Variants in METTL15 observed in about 807,000 individuals in gnomAD.
METTL15 encodes 12S rRNA N(4)-cytidine methyltransferase METTL15.
Under a neutral mutation model 38.3 loss-of-function variants are expected in METTL15, and 34 were observed. That is an observed-to-expected ratio of 0.89 (90% CI 0.68 to 1.18). METTL15 has a LOEUF of 1.18. Among genes scored for constraint, METTL15 ranks in the 50% most tolerant of loss-of-function variants. METTL15 has a pLI of 0.00. For missense variants in METTL15, 438 were observed against 498.4 expected (o/e 0.88, Z 1.15); for synonymous variants, 162 against 170.9 (o/e 0.95, Z 0.41).
downstream of METTL15, among the ~76,000 whole-genome samples, chr11:28,337,347 T>C (rs1849910286): frequency 6.6e-6 from 1 of 152,066 alleles, no homozygotes; most frequent in South Asian, 2.1e-4. Flanking sequence ...TGTTGCAGTC[T>C]TGAACTCCTG....
chr11:28,115,477 C>T (rs754661962), intron 3 of METTL15, among the ~76,000 whole-genome samples: 2 of 151,884 alleles, frequency 1.3e-5, no homozygotes, highest in Admixed American at 6.6e-5. Flanking sequence ...AGGCTGGTCT[C>T]GAACTCCTGA....
intron 5 of METTL15, among the ~76,000 whole-genome samples, chr11:28,402,032 C>G (rs1215348466): frequency 6.6e-6 from 1 of 151,922 alleles, no homozygotes; most frequent in Non-Finnish European, 1.5e-5. Flanking sequence ...CTTCTAAAAC[C>G]TATCCAAGAG....
intron 6 of METTL15, among the ~76,000 whole-genome samples, chr11:28,486,345 T>C (rs181110317): frequency 3.9e-4 from 60 of 152,092 alleles, no homozygotes; most frequent in Non-Finnish European, 5.4e-4. Context: ...CAGGCTCTCA[T>C]GTTAATCTTT....
intron 6 of METTL15, among the ~76,000 whole-genome samples, chr11:28,317,557 A>G (rs1306260926): frequency 6.6e-6 from 1 of 152,206 alleles, no homozygotes; most frequent in Non-Finnish European, 1.5e-5. Flanking sequence ...AAGCTTAAAA[A>G]TCTCAATACA....
In METTL15 at chr11:28,237,914, C is replaced by T. The variant is rs183483434; in HGVS notation, c.407+26716C>T. On this transcript the variant is annotated intron_variant, in intron 4 of 6. Transcript: ENST00000407364. ...GTATCAGCAGCGGTGGCTGCAGAAC[C>T]GCGGATTTTCGTGATCCGCAAATGC... 1.6e-3 allele frequency among the ~76,000 whole-genome samples: 238 copies of T among 152,240 alleles called. 1 individual carries two copies. The highest frequency in any genetic ancestry group is 4.9e-3 in the African/African-American group (202 of 41,542).
chr11:28,335,532 T>A (rs1849893529), downstream of METTL15, among the ~76,000 whole-genome samples: 1 of 152,168 alleles, frequency 6.6e-6, no homozygotes, highest in South Asian at 2.1e-4. Flanking sequence ...TGGAGATGCT[T>A]TATTTGACCC....
chr11:28,225,780 T>C (rs190202133), intron 4 of METTL15, among the ~76,000 whole-genome samples: 17 of 152,020 alleles, frequency 1.1e-4, no homozygotes, highest in African/African-American at 3.6e-4. Flanking sequence ...TTTAGTAACC[T>C]CTCTACCCTT....
intron 4 of METTL15, among the ~76,000 whole-genome samples, chr11:28,288,109 A>T (rs535928827): frequency 6.6e-6 from 1 of 152,196 alleles, no homozygotes; most frequent in Non-Finnish European, 1.5e-5. Context: ...CAGAACCACA[A>T]TGAGATATCG....
intron 5 of METTL15, among the ~76,000 whole-genome samples, chr11:28,365,516 A>G (rs1258016646): frequency 6.6e-6 from 1 of 152,132 alleles, no homozygotes; most frequent in African/African-American, 2.4e-5. Context: ...ATTGGCTGAA[A>G]TGTCATCTTT....
At chr11:28,138,011 G>T (rs1179057185) in intron 3 of METTL15, among the ~76,000 whole-genome samples, 1 of 152,136 alleles carries the variant, frequency 6.6e-6, no homozygotes, top group Non-Finnish European at 1.5e-5. Context: ...AGGAAAGCAT[G>T]CAGTTTCTAG....
chr11:28,209,653 C>T (rs981919697), intron 3 of METTL15, among the ~76,000 whole-genome samples: 6 of 151,880 alleles, frequency 4.0e-5, no homozygotes, highest in South Asian at 2.1e-4. Context: ...CGATTTCCTC[C>T]ATGTTATTCT....
chr11:28,188,888 T>A (rs565290383), intron 3 of METTL15, among the ~76,000 whole-genome samples: 90 of 151,420 alleles, frequency 5.9e-4, no homozygotes, highest in African/African-American at 2.1e-3. Flanking sequence ...TAAAGGAAAC[T>A]GTGATTATTC....
At chr11:28,530,604 C>T (rs904476858), downstream of METTL15, among the ~76,000 whole-genome samples, 3 of 152,044 alleles carry the variant, frequency 2.0e-5, no homozygotes, top group African/African-American at 4.8e-5. Flanking sequence ...AAGCTACCAA[C>T]ATAACGTCAC....
At chr11:28,234,421 A>G (rs1158187090) in intron 4 of METTL15, among the ~76,000 whole-genome samples, 2 of 151,306 alleles carry the variant, frequency 1.3e-5, no homozygotes, top group Non-Finnish European at 2.9e-5. Flanking sequence ...AGTCCCACCA[A>G]CAGTGTAAAA....
chr11:28,531,970 A>C (rs1330034498), downstream of METTL15, among the ~76,000 whole-genome samples: 2 of 152,060 alleles, frequency 1.3e-5, no homozygotes, highest in Non-Finnish European at 2.9e-5. Flanking sequence ...ATAGATGAAA[A>C]TACCACATTA....
At chr11:28,528,942 G>A (rs751425460), downstream of METTL15, among the ~76,000 whole-genome samples, 7 of 152,126 alleles carry the variant, frequency 4.6e-5, no homozygotes, top group Non-Finnish European at 7.4e-5. Context: ...AATGGCATGA[G>A]GCAAATGTTT....
chr11:28,217,503 T>C (rs1279803260), intron 4 of METTL15, among the ~76,000 whole-genome samples: 1 of 152,158 alleles, frequency 6.6e-6, no homozygotes. Flanking sequence ...TCCCATTCTG[T>C]AGGTTGCCTG....
intron 6 of METTL15, among the ~76,000 whole-genome samples, chr11:28,310,962 GTGGGTGTGTGTGTGTGTGT>G (rs1857273128): frequency 8.5e-6 from 1 of 117,454 alleles, no homozygotes; most frequent in Admixed American, 9.0e-5. Flanking sequence ...GGTGGTGGTG[GTGGGTGTGTGTGTGTGTGT>G]GTGTGTGTGT....
At chr11:28,296,300 G>A (rs1856732505) in intron 5 of METTL15, among the ~76,000 whole-genome samples, 1 of 152,084 alleles carries the variant, frequency 6.6e-6, no homozygotes, top group Admixed American at 6.6e-5. Flanking sequence ...CAAGTAATCA[G>A]TTATTTTACA....
Sources: allele counts gnomAD v4.1 joint callset (sites outside exome capture counted in the v4.1 genomes callset), GRCh38; gene constraint gnomAD v4.1.1; transcripts MANE v1.5; gene names NCBI Gene and HGNC (gene_info 2026-07-23, HGNC 2026-07-21).